Variants in APOBEC3F observed in about 807,000 individuals in gnomAD.
APOBEC3F encodes apolipoprotein B mRNA editing enzyme catalytic subunit 3F, also known as DNA dC->dU-editing enzyme APOBEC-3F.
A neutral mutation model predicts 45.8 loss-of-function variants in APOBEC3F; 34 were observed. The observed-to-expected ratio is 0.74, with a 90% CI of 0.57 to 0.99. APOBEC3F has a LOEUF of 0.99. Ranked by LOEUF, APOBEC3F falls within the 50% of genes least tolerant of loss-of-function variation. APOBEC3F has a pLI of 0.00. For synonymous variants in APOBEC3F, 192 were observed against 174.4 expected (o/e 1.10, Z -0.80); for missense variants, 459 against 474.1 (o/e 0.97, Z 0.30).
intron 3 of APOBEC3F, 62 bp downstream of exon 3, chr22:39,045,282 C>A: frequency 1.3e-6 from 2 of 1,594,284 alleles, no homozygotes; most frequent in Non-Finnish European, 1.7e-6. Context: ...ATGGATGGAT[C>A]TGCAATGCCA....
chr22:39,048,756 G>A (rs60421557), intron 4 of APOBEC3F, among the ~76,000 whole-genome samples: 2 of 152,250 alleles, frequency 1.3e-5, no homozygotes, highest in African/African-American at 4.8e-5. Flanking sequence ...GCAGTGAGCC[G>A]AGATTGTGCC....
At chr22:39,046,217 C>T (rs1162947739) in intron 4 of APOBEC3F, among the ~76,000 whole-genome samples, 1 of 152,184 alleles carries the variant, frequency 6.6e-6, no homozygotes, top group African/African-American at 2.4e-5. Flanking sequence ...CCCAGTCAGA[C>T]AGGATTAGGG....
At chr22:39,051,070 C>G (rs1415912562) in intron 5 of APOBEC3F, among the ~76,000 whole-genome samples, 1 of 152,040 alleles carries the variant, frequency 6.6e-6, no homozygotes, top group Non-Finnish European at 1.5e-5. Flanking sequence ...AATCCCATCA[C>G]TACTAAAACT....
Position 39,052,605 on chromosome 22 carries a change from G to A in APOBEC3F, c.1032G>A (p.Val344=). Residue 344 remains valine, a synonymous_variant, in exon 7 of 7, where the codon GTG becomes GTA. Coordinates refer to ENST00000308521, the MANE Select transcript of APOBEC3F (RefSeq NM_145298.6). ...KDFKYCWENF[V]YNDDEPFKPW... is the part of the protein sequence containing the mutation. ...TTAAATATTGTTGGGAAAACTTTGT[G>A]TACAATGATGATGAGCCATTCAAGC... 6.2e-7 allele frequency: 1 copy of A among 1,613,496 alleles called. No homozygotes were observed. Among genetic ancestry groups the A allele is most frequent in the Non-Finnish European group, 8.5e-7 (1 of 1,179,796 alleles).
chr22:39,041,577 A>G (rs1216099792), intron 1 of APOBEC3F, among the ~76,000 whole-genome samples: 3 of 152,094 alleles, frequency 2.0e-5, no homozygotes, highest in Non-Finnish European at 4.4e-5. Flanking sequence ...AACATGGAAT[A>G]TAGTGGCCGG....
At chr22:39,047,524 C>T (rs1160672704) in intron 4 of APOBEC3F, among the ~76,000 whole-genome samples, 1 of 152,196 alleles carries the variant, frequency 6.6e-6, no homozygotes, top group African/African-American at 2.4e-5. Context: ...CCACTGCCCG[C>T]TCTGCCCACG....
chr22:39,043,902 G>A (rs1927060179), intron 2 of APOBEC3F, among the ~76,000 whole-genome samples: 1 of 152,006 alleles, frequency 6.6e-6, no homozygotes, highest in African/African-American at 2.4e-5. Flanking sequence ...GCAGTCGCCT[G>A]TAATCCCAGC....
At chr22:39,041,750 T>C (rs546097646) in intron 1 of APOBEC3F, among the ~76,000 whole-genome samples, 1 of 151,980 alleles carries the variant, frequency 6.6e-6, no homozygotes, top group Non-Finnish European at 1.5e-5. Flanking sequence ...ATAATCCAGC[T>C]ACTCCACAGG....
chr22:39,051,954 A>G (rs947551642), intron 5 of APOBEC3F, 120 bp from the exon 6 acceptor site: 2 of 1,446,632 alleles, frequency 1.4e-6, no homozygotes, highest in Non-Finnish European at 9.4e-7. Flanking sequence ...ACCCTGTCTC[A>G]AAAATAAATA....
At chr22:39,047,473 A>G (rs1019053302) in intron 4 of APOBEC3F, among the ~76,000 whole-genome samples, 13 of 152,184 alleles carry the variant, frequency 8.5e-5, no homozygotes, top group African/African-American at 3.1e-4. Context: ...GGCCAGGACA[A>G]GCCTGCCAGG....
chr22:39,043,467 A>ACT (rs1555901432), intron 2 of APOBEC3F, among the ~76,000 whole-genome samples: 1 of 139,014 alleles, frequency 7.2e-6, no homozygotes, highest in Non-Finnish European at 1.5e-5. Flanking sequence ...CGCCCAGCTA[A>ACT]TTTTTTTTTT....
In APOBEC3F at chr22:39,052,245, C is replaced by A. The variant is rs1172506519; in HGVS notation, c.895C>A (p.Leu299Ile). The A allele has an allele frequency of 6.2e-7, 1 of 1,614,240 alleles. No homozygotes were observed. The highest frequency in any genetic ancestry group is 8.5e-7 in the Non-Finnish European group (1 of 1,180,038). Residue 299 changes from leucine to isoleucine, a missense_variant, in exon 6 of 7, where the codon CTC (leucine) becomes ATC (isoleucine). By Grantham distance (5) the Leu-to-Ile change is conservative. Coordinates refer to ENST00000308521, the MANE Select transcript of APOBEC3F (RefSeq NM_145298.6). ...CCTGGCCAGGCACAGCAACGTGAATCTCACCATCTTCACCGCCCGCCTCTA... is the reference window on the plus strand; with the variant it reads ...CCTGGCCAGGCACAGCAACGTGAATATCACCATCTTCACCGCCCGCCTCTA... ...EFLARHSNVN[L>I]TIFTARLYYF... is the part of the protein sequence containing the mutation.
At chr22:39,051,391 G>C (rs941699658) in intron 5 of APOBEC3F, among the ~76,000 whole-genome samples, 8 of 152,070 alleles carry the variant, frequency 5.3e-5, no homozygotes, top group Non-Finnish European at 1.0e-4. Flanking sequence ...CAAAAAATTA[G>C]CCAGGCGTGG....
chr22:39,047,965 T>A (rs1458285706), intron 4 of APOBEC3F, among the ~76,000 whole-genome samples: 1 of 152,102 alleles, frequency 6.6e-6, no homozygotes, highest in African/African-American at 2.4e-5. Flanking sequence ...GAGGGAATGG[T>A]CTCTGTACCA....
intron 4 of APOBEC3F, among the ~76,000 whole-genome samples, chr22:39,047,936 C>A (rs1257054208): frequency 6.6e-6 from 1 of 152,124 alleles, no homozygotes; most frequent in African/African-American, 2.4e-5. Flanking sequence ...AACACAAAGT[C>A]TTAGGAGAGG....
chr22:39,043,898 G>T (rs56148620), intron 2 of APOBEC3F, among the ~76,000 whole-genome samples: 3 of 151,978 alleles, frequency 2.0e-5, no homozygotes, highest in East Asian at 2.0e-4. Context: ...GGTGGCAGTC[G>T]CCTGTAATCC....
rs771819015 is a variant in APOBEC3F, at chr22:39,043,049, C to T, written c.130C>T (p.Pro44Ser). Residue 44 changes from proline to serine, a missense_variant, in exon 2 of 7, where the codon CCC becomes TCC. Pro to Ser is a moderately conservative substitution (Grantham distance 74). Transcript: ENST00000308521. ...GTGCTACGAAGTGAAAACAAAGGGT[C>T]CCTCAAGGCCCCGTTTGGACGCAAA... The part of the protein sequence containing the change: ...WLCYEVKTKG[P>S]SRPRLDAKIF... 12 of 1,614,178 alleles carry T rather than the reference C, an allele frequency of 7.4e-6. No homozygotes were observed. Among genetic ancestry groups the T allele is most frequent in the Non-Finnish European group, 1.0e-5 (12 of 1,180,034 alleles).
In APOBEC3F at chr22:39,045,490, A is replaced by C; in HGVS notation, c.514A>C (p.Lys172Gln). Residue 172 changes from lysine to glutamine, a missense_variant, in exon 4 of 7, where the codon AAA becomes CAA. Lys to Gln is a moderately conservative substitution (Grantham distance 53). Coordinates refer to ENST00000308521, the MANE Select transcript of APOBEC3F (RefSeq NM_145298.6). Reference protein sequence around the residue: ...SEGQPFMPWYKFDDNYAFLHR... With the variant: ...SEGQPFMPWYQFDDNYAFLHR... ...AGGTCAGCCATTCATGCCTTGGTAC[A>C]AATTCGATGACAATTATGCATTCCT... 6.2e-7 allele frequency: 1 copy of C among 1,614,122 alleles called. No homozygotes were observed.
intron 1 of APOBEC3F, among the ~76,000 whole-genome samples, chr22:39,042,544 T>A (rs1176876107): frequency 6.6e-6 from 1 of 152,160 alleles, no homozygotes; most frequent in Admixed American, 6.5e-5. Context: ...ACTCCTGACC[T>A]CAAGTGATGG....
Sources: gnomAD v4.1 joint callset for allele counts (sites outside exome capture counted in the v4.1 genomes callset) on GRCh38, gnomAD v4.1.1 for gene constraint, MANE v1.5 for transcripts, NCBI Gene and HGNC (gene_info 2026-07-23, HGNC 2026-07-21) for gene names.